BCAS3: variants seen among roughly 807,000 people sequenced by gnomAD.
BCAS3 encodes the protein BCAS4/BCAS3 fusion.
A neutral mutation model predicts 116.1 loss-of-function variants in BCAS3; 53 were observed. The observed-to-expected ratio is 0.46, with a 90% confidence interval of 0.37 to 0.57. The LOEUF is 0.57. Ranked by LOEUF, BCAS3 falls within the 20% of genes least tolerant of loss-of-function variation. The pLI is 0.00. For synonymous variants in BCAS3, 391 were observed against 408.2 expected, an observed-to-expected ratio of 0.96 and a Z score of 0.51; for missense variants, 917 against 1,165.4, an observed-to-expected ratio of 0.79 and a Z score of 3.10.
At chr17:61,061,714 A>AAATG (rs2070060631) in intron 19 of BCAS3, among the ~76,000 whole-genome samples, 1 of 152,228 alleles carries the variant, frequency 6.6e-6, no homozygotes, top group African/African-American at 2.4e-5. Context: ...TTCCTGAAAG[A>AAATG]AATGCATCTA....
intron 22 of BCAS3, among the ~76,000 whole-genome samples, chr17:61,270,819 C>T (rs1219146744): frequency 4.0e-5 from 6 of 151,680 alleles, no homozygotes; most frequent in Admixed American, 1.3e-4. Context: ...CTCGGCTCAC[C>T]GCAACCTCTG....
At position 61,220,208 on chromosome 17, in the gene BCAS3, C is replaced by T. The variant is rs1439792342; in HGVS notation, c.2425+135644C>T. ...ACTCAGGAGGCTGAGGCAGGAGAGTCGCTTGAATCTGGGAGGCAGAGGTTG... is the reference window on the plus strand; with the variant it reads ...ACTCAGGAGGCTGAGGCAGGAGAGTTGCTTGAATCTGGGAGGCAGAGGTTG... On this transcript the variant is annotated intron_variant, in intron 22 of 23. Transcript: ENST00000407086. The surrounding 1 kb of genome is among the most constrained non-coding windows in gnomAD (Gnocchi z 4.5). Among the ~76,000 whole-genome samples the T allele has an allele frequency of 1.3e-5, 2 of 152,104 alleles. No individual in the cohort carries two copies. Among genetic ancestry groups the T allele is most frequent in the African/African-American group, 2.4e-5 (1 of 41,500 alleles).
At chr17:60,905,173 T>C (rs1485989373) in intron 11 of BCAS3, among the ~76,000 whole-genome samples, 4 of 152,144 alleles carry the variant, frequency 2.6e-5, no homozygotes, top group Admixed American at 2.6e-4. Context: ...AATTATAGTA[T>C]AATATATAGG....
In BCAS3 at chr17:60,882,556, A is replaced by T. The variant is rs530949632; in HGVS notation, c.662-7139A>T. Among the ~76,000 whole-genome samples the T allele has an allele frequency of 3.8e-3, 579 of 152,242 alleles. 5 individuals carry two copies. The highest frequency in any genetic ancestry group is 6.5e-3 in the Admixed American group (99 of 15,288). On this transcript the variant is annotated intron_variant, in intron 9 of 23. Coordinates refer to ENST00000407086, the MANE Select transcript of BCAS3 (RefSeq NM_017679.5). Reference sequence around the variant, plus strand: ...AATGGTCATGCCTAGGTTCTCTTCTAGGGTTTTTATGGTTTTAGGTCTAAT... The same window carrying T: ...AATGGTCATGCCTAGGTTCTCTTCTTGGGTTTTTATGGTTTTAGGTCTAAT...
rs2080460717 is a variant in BCAS3 at position 61,196,081 on chromosome 17, C to T, written c.2425+111517C>T. Among the ~76,000 whole-genome samples the T allele has an allele frequency of 6.6e-6, 1 of 152,206 alleles. No homozygotes were observed. The highest frequency in any genetic ancestry group is 6.5e-5 in the Admixed American group (1 of 15,280). On this transcript the variant is annotated intron_variant, in intron 22 of 23. Transcript: ENST00000407086. The surrounding 1 kb of genome is among the most constrained non-coding windows in gnomAD (Gnocchi z 4.7). Reference sequence around the variant, plus strand: ...ATCTAACTTTGGAGACCACAGTCGCCTTTGCAGATCTATCTAGACAACTTC... The same window carrying T: ...ATCTAACTTTGGAGACCACAGTCGCTTTTGCAGATCTATCTAGACAACTTC...
chr17:60,692,798 A>C (rs1225925478), intron 4 of BCAS3, among the ~76,000 whole-genome samples: 2 of 151,758 alleles, frequency 1.3e-5, no homozygotes, highest in East Asian at 3.9e-4. Flanking sequence ...CGGGAGGCTG[A>C]GGAGGAGAAT....
Position 60,993,380 on chromosome 17 carries a change from A to G in BCAS3, c.1486+3145A>G, listed in dbSNP as rs983367468. On this transcript the variant is annotated intron_variant, in intron 15 of 23. Coordinates refer to ENST00000407086, the MANE Select transcript of BCAS3 (RefSeq NM_017679.5). The surrounding 1 kb of genome is among the most constrained non-coding windows in gnomAD (Gnocchi z 4.2). ...TGTCTCTCTGCATGTTTTTTTCAGA[A>G]ATCTCAAAGAGGAGAATCCACACTG... Among the ~76,000 whole-genome samples, 1 of 152,146 alleles carries G rather than the reference A, an allele frequency of 6.6e-6. No individual in the cohort carries two copies. Among genetic ancestry groups the G allele is most frequent in the Non-Finnish European group, 1.5e-5 (1 of 68,022 alleles).
At chr17:60,703,998 A>G (rs1378255914) in intron 4 of BCAS3, among the ~76,000 whole-genome samples, 1 of 152,162 alleles carries the variant, frequency 6.6e-6, no homozygotes, top group Non-Finnish European at 1.5e-5. Context: ...CGAAGTCATT[A>G]TATGACAACT....
intron 15 of BCAS3, among the ~76,000 whole-genome samples, chr17:60,992,977 A>G (rs2063625049): frequency 6.6e-6 from 1 of 152,358 alleles, no homozygotes; most frequent in South Asian, 2.1e-4. Context: ...GAGAAACCAC[A>G]GATGTATTAG....
intron 19 of BCAS3, among the ~76,000 whole-genome samples, chr17:61,067,392 C>T (rs1208080195): frequency 6.9e-6 from 1 of 145,658 alleles, no homozygotes; most frequent in East Asian, 2.0e-4. Context: ...AGCAGATTGG[C>T]TTTTGTTTGC....
intron 19 of BCAS3, among the ~76,000 whole-genome samples, chr17:61,071,728 C>T (rs2071448249): frequency 6.6e-6 from 1 of 152,104 alleles, no homozygotes; most frequent in African/African-American, 2.4e-5. Context: ...AAATATATTA[C>T]ATTACCAATT....
intron 5 of BCAS3, among the ~76,000 whole-genome samples, chr17:60,732,014 A>G (rs1006846855): frequency 4.6e-5 from 7 of 152,040 alleles, no homozygotes; most frequent in African/African-American, 1.4e-4. Context: ...ACCTCAGGTG[A>G]TCCGCCAGCC....
At chr17:60,849,067 T>C (rs75330651) in intron 7 of BCAS3, among the ~76,000 whole-genome samples, 4,592 of 152,246 alleles carry the variant, frequency 0.03, 178 homozygotes, top group East Asian at 0.091. Context: ...AGTATATTAG[T>C]CAGTGTATAT....
At chr17:60,945,538 C>T (rs1422073957) in intron 13 of BCAS3, among the ~76,000 whole-genome samples, 7 of 152,060 alleles carry the variant, frequency 4.6e-5, no homozygotes, top group African/African-American at 1.2e-4. Context: ...TGGTAGTTCA[C>T]GCCTGTAATC....
intron 22 of BCAS3, among the ~76,000 whole-genome samples, chr17:61,283,367 C>G (rs1199992743): frequency 6.6e-6 from 1 of 152,092 alleles, no homozygotes; most frequent in Non-Finnish European, 1.5e-5. Context: ...TTAGTTAACT[C>G]TCCTATTTAG....
At chr17:61,018,904 G>T (rs1428553741) in intron 16 of BCAS3, among the ~76,000 whole-genome samples, 2 of 152,080 alleles carry the variant, frequency 1.3e-5, no homozygotes, top group Non-Finnish European at 1.5e-5. Flanking sequence ...TTGTAGCATA[G>T]CTTTAGTGTA....
chr17:61,296,756 C>G (rs2052951666), intron 22 of BCAS3, among the ~76,000 whole-genome samples: 1 of 152,138 alleles, frequency 6.6e-6, no homozygotes, highest in African/African-American at 2.4e-5. Context: ...TGCAATTAGC[C>G]AGGCAGCAGC....
intron 22 of BCAS3, among the ~76,000 whole-genome samples, chr17:61,264,506 C>A (rs1026277686): frequency 6.6e-6 from 1 of 151,468 alleles, no homozygotes; most frequent in African/African-American, 2.4e-5. Flanking sequence ...CCTCCTGGTG[C>A]AAGTGATTCT....
At position 60,815,254 on chromosome 17, in the gene BCAS3, T is replaced by C. The variant is rs561795797; in HGVS notation, c.476+7178T>C. Among the ~76,000 whole-genome samples the C allele has an allele frequency of 4.6e-5, 7 of 151,652 alleles. 1 individual carries two copies. In the East Asian group the frequency reaches 1.4e-3, roughly 29 times the overall value. On this transcript the variant is annotated intron_variant, in intron 7 of 23. Coordinates refer to ENST00000407086, the MANE Select transcript of BCAS3 (RefSeq NM_017679.5). ...GTGGGAATTGAACAATGAGAACACTTGGACACAGGAAGGGGAACATCACAC... is the reference window on the plus strand; with the variant it reads ...GTGGGAATTGAACAATGAGAACACTCGGACACAGGAAGGGGAACATCACAC...
Sources: gnomAD v4.1 joint callset for allele counts (sites outside exome capture counted in the v4.1 genomes callset) on GRCh38, gnomAD v4.1.1 for gene constraint, Gnocchi (gnomAD v3.1) non-coding constraint, MANE v1.5 for transcripts, NCBI Gene and HGNC (gene_info 2026-07-23, HGNC 2026-07-21) for gene names.